CDH3: variants seen among roughly 807,000 people sequenced by gnomAD.
CDH3 encodes the protein cadherin-3.
Under a neutral mutation model 82.0 loss-of-function variants are expected in CDH3, and 54 were observed. That is an observed-to-expected ratio of 0.66 (90% confidence interval 0.53 to 0.83). The LOEUF is 0.83. Among genes scored for constraint, CDH3 ranks in the 40% least tolerant of loss-of-function variants. CDH3 has a pLI of 0.00. For synonymous variants in CDH3, 446 were observed against 437.9 expected, an observed-to-expected ratio of 1.02 and a Z score of -0.23; for missense variants, 1,054 against 1,084.6, an observed-to-expected ratio of 0.97 and a Z score of 0.40.
intron 11 of CDH3, among the ~76,000 whole-genome samples, chr16:68,687,070 G>C (rs1961431588): frequency 6.6e-6 from 1 of 152,188 alleles, no homozygotes; most frequent in African/African-American, 2.4e-5. Context: ...TTGATTGATA[G>C]GGGCTGACTG....
chr16:68,653,990 T>C (rs1317427964), intron 2 of CDH3, among the ~76,000 whole-genome samples: 1 of 151,946 alleles, frequency 6.6e-6, no homozygotes, highest in African/African-American at 2.4e-5. Flanking sequence ...GTGCAGGGAT[T>C]ACAGGCGTGA....
intron 13 of CDH3, among the ~76,000 whole-genome samples, chr16:68,692,607 T>G (rs1696978688): frequency 6.6e-6 from 1 of 152,166 alleles, no homozygotes; most frequent in Admixed American, 6.6e-5. Flanking sequence ...CCCAGTAATC[T>G]GCATGTTAAC....
intron 2 of CDH3, among the ~76,000 whole-genome samples, chr16:68,654,877 A>G (rs113621284): frequency 0.16 from 24,781 of 151,346 alleles, 2,196 homozygotes; most frequent in East Asian, 0.23. Flanking sequence ...CTCTACTAAA[A>G]ATACAAAAAT....
intron 2 of CDH3, among the ~76,000 whole-genome samples, chr16:68,650,861 A>AG (rs1026534253): frequency 6.6e-6 from 1 of 151,958 alleles, no homozygotes; most frequent in Admixed American, 6.5e-5. Context: ...AACCAAGGCA[A>AG]GGGGGGAATA....
downstream of CDH3, among the ~76,000 whole-genome samples, chr16:68,702,717 T>C (rs1961911649): frequency 6.6e-6 from 1 of 151,918 alleles, no homozygotes; most frequent in Non-Finnish European, 1.5e-5. Flanking sequence ...ATATAAAAAT[T>C]AGCCGGGTGT....
At chr16:68,711,539 G>A (rs1198969524) in intron 1 of CDH3, among the ~76,000 whole-genome samples, 1 of 152,050 alleles carries the variant, frequency 6.6e-6, no homozygotes, top group Non-Finnish European at 1.5e-5. Context: ...GGCTGGCTGC[G>A]CCCATGCCAG....
downstream of CDH3, among the ~76,000 whole-genome samples, chr16:68,704,156 G>C (rs543919999): frequency 8.6e-5 from 13 of 151,354 alleles, no homozygotes; most frequent in Admixed American, 8.6e-4. Flanking sequence ...GCGTGGTGGC[G>C]GGCGCCTGTA....
chr16:68,677,958 C>T (rs1038078075), intron 3 of CDH3, among the ~76,000 whole-genome samples, 176 bp from the exon 4 acceptor site: 2 of 151,190 alleles, frequency 1.3e-5, no homozygotes, highest in African/African-American at 2.4e-5. Flanking sequence ...CTTAGGGTCT[C>T]GCTATCTTGC....
chr16:68,731,045 A>ATATACATATAT (rs1396395240), downstream of CDH3, among the ~76,000 whole-genome samples: 5 of 17,262 alleles, frequency 2.9e-4, no homozygotes, highest in African/African-American at 7.2e-4. Context: ...AAAAAAAAAA[A>ATATACATATAT]AAATATATAT....
intron 2 of CDH3, among the ~76,000 whole-genome samples, chr16:68,722,914 T>A (rs1166861441): frequency 6.6e-6 from 1 of 151,988 alleles, no homozygotes; most frequent in Non-Finnish European, 1.5e-5. Flanking sequence ...CTGCCTCAGC[T>A]CCCTGAGTAG....
chr16:68,687,786 G>T (rs1203712048), intron 12 of CDH3, 50 bp downstream of exon 12: 1 of 1,342,440 alleles, frequency 7.4e-7, no homozygotes, highest in African/African-American at 1.4e-5. Flanking sequence ...CCACTGGTGG[G>T]CATCTGCCCC....
At chr16:68,702,821 C>T (rs552353397), downstream of CDH3, among the ~76,000 whole-genome samples, 2 of 151,996 alleles carry the variant, frequency 1.3e-5, no homozygotes, top group South Asian at 2.1e-4. Context: ...GCCGAGATCA[C>T]GCCATTGCAC....
intron 2 of CDH3, among the ~76,000 whole-genome samples, chr16:68,667,314 G>T (rs2152095366): frequency 6.6e-6 from 1 of 152,250 alleles, no homozygotes; most frequent in South Asian, 2.1e-4. Flanking sequence ...AGCTAGAATA[G>T]AAATTTCCTA....
intron 2 of CDH3, among the ~76,000 whole-genome samples, chr16:68,649,355 T>C (rs906035441): frequency 6.6e-6 from 1 of 152,186 alleles, no homozygotes; most frequent in Non-Finnish European, 1.5e-5. Flanking sequence ...TTTTGTCTAT[T>C]TCAGCTCTGG....
intron 2 of CDH3, among the ~76,000 whole-genome samples, chr16:68,672,678 G>A (rs1049091443): frequency 6.6e-6 from 1 of 152,160 alleles, no homozygotes; most frequent in African/African-American, 2.4e-5. Flanking sequence ...ACTCCTCGGC[G>A]GGGATGTCGT....
intron 1 of CDH3, among the ~76,000 whole-genome samples, chr16:68,718,873 A>G (rs1426812574): frequency 6.6e-6 from 1 of 152,198 alleles, no homozygotes; most frequent in African/African-American, 2.4e-5. Context: ...AAATAGCCCA[A>G]GTGCTCATTA....
rs66540234 is a variant in CDH3, at chr16:68,679,694, CAAAAAAAAAAAAAAAAA to C, written c.692-97_692-81del. The stretch of plus-strand genomic sequence containing the variant: ...TGGGTGATAGAGTGAGACTTCATCT[CAAAAAAAAAAAAAAAAA>C]AAAAAAAGAAAAGAAAAAAAGAGTT... On this transcript the variant is annotated intron_variant, in intron 6 of 15. Transcript: ENST00000264012. 5 of 361,958 alleles carry C rather than the reference CAAAAAAAAAAAAAAAAA, an allele frequency of 1.4e-5. No homozygotes were observed. The African/African-American group carries it at 2.4e-4, about 17-fold the overall frequency. The allele number at this position is 361,958 out of a possible 1,614,324, so 22.4% of individuals were successfully genotyped here.
intron 2 of CDH3, among the ~76,000 whole-genome samples, chr16:68,647,828 CG>C (rs146714066): frequency 0.027 from 4,122 of 152,156 alleles, 186 homozygotes; most frequent in African/African-American, 0.094. Context: ...GATCCAGCCA[CG>C]TTGAAAGGGT....
intron 2 of CDH3, among the ~76,000 whole-genome samples, chr16:68,653,245 T>A (rs1281574153): frequency 2.1e-5 from 3 of 142,032 alleles, no homozygotes; most frequent in South Asian, 2.1e-4. Context: ...TATTTTATTT[T>A]ATTTTATTTT....
Sources: allele counts gnomAD v4.1 joint callset (sites outside exome capture counted in the v4.1 genomes callset), GRCh38; gene constraint gnomAD v4.1.1; transcripts MANE v1.5; gene names NCBI Gene and HGNC (gene_info 2026-07-23, HGNC 2026-07-21).